The following PARP6 variants were observed in gnomAD, a reference collection of about 807,000 sequenced individuals.
PARP6 encodes protein mono-ADP-ribosyltransferase PARP6.
Under a neutral mutation model 92.0 loss-of-function variants are expected in PARP6, and 27 were observed. The observed-to-expected ratio is 0.29, with a 90% CI of 0.22 to 0.40. The LOEUF (loss-of-function observed/expected upper bound fraction) is 0.40, where lower values mean the gene tolerates loss of function less well. Among genes scored for constraint, PARP6 ranks in the 10% least tolerant of loss-of-function variants. PARP6 has a pLI of 1.00. For missense variants in PARP6, 501 were observed against 784.5 expected (o/e 0.64, Z 4.32); for synonymous variants, 272 against 281.2 (o/e 0.97, Z 0.33).
chr15:72,257,628 T>A (rs912029360), intron 12 of PARP6, among the ~76,000 whole-genome samples, 188 bp from the exon 13 acceptor site: 1 of 152,180 alleles, frequency 6.6e-6, no homozygotes, highest in African/African-American at 2.4e-5. Context: ...GTTAACACTG[T>A]CTCCCCTATG....
chr15:72,256,424 T>C lies in PARP6; in HGVS notation c.1125+41A>G, dbSNP rs12904652. 0.25 allele frequency: 367,635 copies of C among 1,451,420 alleles called. 48,266 individuals are homozygous for C. The highest frequency in any genetic ancestry group is 0.4 in the East Asian group (15,433 of 38,262). The allele number at this position is 1,451,420 out of a possible 1,614,324, so 89.9% of individuals were successfully genotyped here. A position where few individuals can be genotyped will look rare whatever the true frequency, so the allele number is the denominator to read the frequency against. On this transcript the variant is annotated intron_variant, in intron 14 of 23. Coordinates refer to ENST00000569795, the MANE Select transcript of PARP6 (RefSeq NM_001323532.2). ...GCCCATAGTCTGCCACTATCTTTTA[T>C]CATTTCTGTTCCTTAGCCCTGACTT...
intron 5 of PARP6, among the ~76,000 whole-genome samples, 162 bp downstream of exon 5, chr15:72,265,735 C>T (rs1398015971): frequency 6.6e-6 from 1 of 152,218 alleles, no homozygotes; most frequent in Non-Finnish European, 1.5e-5. Flanking sequence ...GAAAAGTGGC[C>T]TTACTCTCTA....
chr15:72,255,794 T>C (rs2085023997), intron 14 of PARP6, among the ~76,000 whole-genome samples: 5 of 97,796 alleles, frequency 5.1e-5, no homozygotes, highest in African/African-American at 2.7e-4. Flanking sequence ...CTTTTTTTTT[T>C]TTTTTTTTTT....
intron 9 of PARP6, among the ~76,000 whole-genome samples, 200 bp from the exon 10 acceptor site, chr15:72,260,888 T>A (rs1195176186): frequency 1.3e-5 from 2 of 152,214 alleles, no homozygotes; most frequent in Non-Finnish European, 2.9e-5. Flanking sequence ...TATGTCATCA[T>A]CTGTGGGTTC....
chr15:72,252,311 T>C (rs2084465173), intron 16 of PARP6, among the ~76,000 whole-genome samples: 1 of 152,166 alleles, frequency 6.6e-6, no homozygotes, highest in Non-Finnish European at 1.5e-5. Context: ...CAAAAACCTA[T>C]TGGTGGTGAC....
At chr15:72,246,738 T>C (rs2083654364) in intron 20 of PARP6, among the ~76,000 whole-genome samples, 1 of 149,814 alleles carries the variant, frequency 6.7e-6, no homozygotes, top group Non-Finnish European at 1.5e-5. Flanking sequence ...ACTTCCCTCT[T>C]CTTATTGAAC....
chr15:72,261,730 C>T, intron 8 of PARP6, 23 bp from the exon 9 acceptor site: 3 of 1,612,492 alleles, frequency 1.9e-6, no homozygotes, highest in Non-Finnish European at 2.5e-6. Flanking sequence ...AAAGAATGAG[C>T]TTAGGCAAGA....
chr15:72,257,382 G>C lies in PARP6; in HGVS notation c.965C>G (p.Ser322Cys). Reference protein sequence around the residue: ...VFSFYTLGVMSGAAEEVATGA... With the variant: ...VFSFYTLGVMCGAAEEVATGA... ...AGTGGCCACCTCCTCTGCAGCTCCAGACATGACGCCCAGTGTGTAGAAGGA... is the reference window on the plus strand; with the variant it reads ...AGTGGCCACCTCCTCTGCAGCTCCACACATGACGCCCAGTGTGTAGAAGGA... Residue 322 changes from serine (S) to cysteine (C), a missense_variant, in exon 13 of 24, where the codon TCT becomes TGT. Physicochemically the swap from Ser to Cys is moderately radical, Grantham distance 112. Around this residue, in one of 4 missense-constraint regions of PARP6, gnomAD observed 191 missense variants for 399.1 expected, o/e 0.48. Transcript: ENST00000569795. 1 of 1,614,048 alleles carries C rather than the reference G, an allele frequency of 6.2e-7. No homozygotes were observed. The highest frequency in any genetic ancestry group is 8.5e-7 in the Non-Finnish European group (1 of 1,179,934).
intron 4 of PARP6, among the ~76,000 whole-genome samples, chr15:72,266,504 A>G (rs2086611064): frequency 2.0e-5 from 3 of 152,162 alleles, no homozygotes; most frequent in Non-Finnish European, 4.4e-5. Context: ...GAAAATAATT[A>G]TGTCTAATTA....
At chr15:72,256,408 C>A in intron 14 of PARP6, 57 bp downstream of exon 14, 1 of 1,387,418 alleles carries the variant, frequency 7.2e-7, no homozygotes, top group South Asian at 1.8e-5. Flanking sequence ...AGCCCATAGT[C>A]TGCCACTATC....
At chr15:72,249,857 G>T (rs970586906) in intron 19 of PARP6, among the ~76,000 whole-genome samples, 163 bp downstream of exon 19, 1 of 152,128 alleles carries the variant, frequency 6.6e-6, no homozygotes, top group African/African-American at 2.4e-5. Flanking sequence ...CAACAGCCAC[G>T]TTCTCTATTC....
At chr15:72,255,802 T>C (rs963641959) in intron 14 of PARP6, among the ~76,000 whole-genome samples, 2 of 111,700 alleles carry the variant, frequency 1.8e-5, no homozygotes, top group Non-Finnish European at 3.5e-5. Context: ...TTTTTTTTTT[T>C]TTTTTTTTTT....
intron 20 of PARP6, chr15:72,243,946 A>G (rs1400811767): frequency 6.6e-6 from 1 of 152,220 alleles, no homozygotes; most frequent in Non-Finnish European, 1.5e-5. Context: ...TTGAACTGAC[A>G]TTCTTCACTG....
At chr15:72,246,795 C>T (rs1240843664) in intron 20 of PARP6, among the ~76,000 whole-genome samples, 1 of 151,278 alleles carries the variant, frequency 6.6e-6, no homozygotes, top group Non-Finnish European at 1.5e-5. Context: ...TGCTCTGTTA[C>T]CCAGGCTGGA....
rs956048596 is a variant in PARP6 at position 72,259,552 on chromosome 15, C to T, written c.810+56G>A. On this transcript the variant is annotated intron_variant, in intron 11 of 23. Transcript: ENST00000569795. Reference sequence around the variant, plus strand: ...TGAGGAGCTGGGAGGTGTTAGGAGACCAAATGGGTCAGACAACAGGGAAGG... The same window carrying T: ...TGAGGAGCTGGGAGGTGTTAGGAGATCAAATGGGTCAGACAACAGGGAAGG... 1.4e-5 allele frequency: 21 copies of T among 1,487,558 alleles called. No individual in the cohort carries two copies. The African/African-American group carries it at 2.9e-4, about 21-fold the overall frequency. 92.1% of individuals were successfully genotyped at this position (1,487,558 alleles called of 1,614,324 possible).
intron 16 of PARP6, 170 bp from the exon 17 acceptor site, chr15:72,251,425 G>T (rs1435689992): frequency 2.0e-6 from 1 of 503,918 alleles, no homozygotes; most frequent in African/African-American, 2.0e-5. Context: ...GTGGGTGATA[G>T]TGCTTATGAA....
intron 5 of PARP6, 52 bp from the exon 6 acceptor site, chr15:72,265,525 G>T: frequency 7.3e-7 from 1 of 1,373,804 alleles, no homozygotes; most frequent in Non-Finnish European, 1.0e-6. Context: ...AGAAAGAAGG[G>T]AATAGAAACT....
intron 8 of PARP6, among the ~76,000 whole-genome samples, chr15:72,263,364 C>G (rs1289129438): frequency 6.6e-6 from 1 of 152,170 alleles, no homozygotes; most frequent in African/African-American, 2.4e-5. Flanking sequence ...TTTAGCATCT[C>G]TTGTCTTGAC....
At chr15:72,272,141 GGAGA>G (rs1283386690) in intron 1 of PARP6, 1 of 152,324 alleles carries the variant, frequency 6.6e-6, no homozygotes, top group African/African-American at 2.4e-5. Flanking sequence ...CACCCCGCAG[GGAGA>G]GAGGACACGG....
Sources: gnomAD v4.1 joint callset for allele counts (sites outside exome capture counted in the v4.1 genomes callset) on GRCh38, gnomAD v4.1.1 for gene constraint, gnomAD v4.1.1 regional missense constraint, MANE v1.5 for transcripts, NCBI Gene and HGNC (gene_info 2026-07-23, HGNC 2026-07-21) for gene names.